ZDHHC11B: variants seen among roughly 807,000 people sequenced by gnomAD.
ZDHHC11B encodes probable palmitoyltransferase ZDHHC11B.
ZDHHC11B carries 17 observed loss-of-function variants against 42.3 expected under a neutral mutation model. The observed-to-expected ratio is 0.40, with a 90% CI of 0.27 to 0.60. The LOEUF (loss-of-function observed/expected upper bound fraction) is 0.60. Ranked by LOEUF, ZDHHC11B falls within the 20% of genes least tolerant of loss-of-function variation. The pLI is 0.41. For synonymous variants in ZDHHC11B, 123 were observed against 193.5 expected, an observed-to-expected ratio of 0.64 and a Z score of 3.02; for missense variants, 262 against 463.2, an observed-to-expected ratio of 0.57 and a Z score of 3.99.
intron 1 of ZDHHC11B, among the ~76,000 whole-genome samples, chr5:777,774 T>G (rs1205084196): frequency 6.6e-6 from 1 of 151,958 alleles, no homozygotes; most frequent in African/African-American, 2.4e-5. Context: ...CTCTATCGGA[T>G]CCTGAGCCCC....
chr5:765,139 C>T (rs1345669017), intron 4 of ZDHHC11B, among the ~76,000 whole-genome samples: 4 of 143,180 alleles, frequency 2.8e-5, no homozygotes, highest in East Asian at 4.1e-4. Context: ...ATGTCTAGCT[C>T]GAAGTTTGTA....
At chr5:762,397 G>A (rs1363078259) in intron 4 of ZDHHC11B, among the ~76,000 whole-genome samples, 19 of 151,964 alleles carry the variant, frequency 1.3e-4, no homozygotes, top group African/African-American at 2.9e-4. Context: ...CAGCACCCAC[G>A]TCTCTCACTA....
intron 13 of ZDHHC11B, among the ~76,000 whole-genome samples, chr5:715,558 C>T (rs535664873): frequency 1.3e-5 from 2 of 151,360 alleles, no homozygotes; most frequent in Non-Finnish European, 2.9e-5. Context: ...AATCTTTCCA[C>T]ATCTCATTCA....
chr5:722,478 T>A (rs363879), intron 12 of ZDHHC11B, among the ~76,000 whole-genome samples: 3 of 151,584 alleles, frequency 2.0e-5, no homozygotes, highest in Non-Finnish European at 2.9e-5. Flanking sequence ...AATACTGAAG[T>A]AGGCCACAAT....
At chr5:754,328 GGGGAAAGACC>G (rs1446773221) in intron 6 of ZDHHC11B, among the ~76,000 whole-genome samples, 4 of 127,460 alleles carry the variant, frequency 3.1e-5, no homozygotes, top group Admixed American at 8.8e-5. Context: ...ACCACGCTCA[GGGGAAAGACC>G]TCTCATCTGT....
intron 6 of ZDHHC11B, 67 bp from the exon 7 acceptor site, chr5:751,324 T>A: frequency 2.3e-5 from 1 of 43,674 alleles, no homozygotes; most frequent in African/African-American, 6.5e-5. Context: ...CAGGGGCAGG[T>A]GTGGGGGGCA....
In ZDHHC11B at chr5:725,166, C is replaced by G. The variant is rs1203311583; in HGVS notation, c.1058+5268G>C. Among the ~76,000 whole-genome samples, 3 of 149,926 alleles carry G rather than the reference C, an allele frequency of 2.0e-5. No homozygotes were observed. The East Asian group carries it at 5.8e-4, about 29-fold the overall frequency. On this transcript the variant is annotated intron_variant, in intron 12 of 13. Transcript: ENST00000508859. The stretch of plus-strand genomic sequence containing the variant: ...ACACGCATGTGAGTGAGATCTCACT[C>G]TCAACTCCCTGCCTTGTGAGGACAA...
intron 12 of ZDHHC11B, among the ~76,000 whole-genome samples, chr5:717,408 C>T (rs1253169150): frequency 6.6e-6 from 1 of 151,678 alleles, no homozygotes; most frequent in Admixed American, 6.6e-5. Context: ...CGTGTTGCTG[C>T]CCAGACTTTC....
At chr5:759,723 G>C (rs1734342669) in intron 4 of ZDHHC11B, among the ~76,000 whole-genome samples, 2 of 151,862 alleles carry the variant, frequency 1.3e-5, no homozygotes, top group South Asian at 4.1e-4. Flanking sequence ...GCCTAACCTG[G>C]GGTCTTTATT....
chr5:783,785 CCCCATCAAAACAGCAGCCCCCT>C (rs1737042300), intron 1 of ZDHHC11B, among the ~76,000 whole-genome samples: 8 of 88,930 alleles, frequency 9.0e-5, no homozygotes, highest in Admixed American at 1.4e-4. Flanking sequence ...AGCCCCCAAA[CCCCATCAAAACAGCAGCCCCCT>C]AAACCCCATC....
chr5:724,083 T>C (rs984246674), intron 12 of ZDHHC11B, among the ~76,000 whole-genome samples: 1 of 151,660 alleles, frequency 6.6e-6, no homozygotes, highest in African/African-American at 2.4e-5. Context: ...GGTTCAGACC[T>C]GTCCACACAT....
At chr5:759,292 C>T (rs1734272799) in intron 4 of ZDHHC11B, among the ~76,000 whole-genome samples, 1 of 151,920 alleles carries the variant, frequency 6.6e-6, no homozygotes, top group African/African-American at 2.4e-5. Context: ...AACCTTTCCC[C>T]CGCCCTGTTC....
chr5:732,451 C>G (rs1035597849), intron 11 of ZDHHC11B: 1 of 323,766 alleles, frequency 3.1e-6, no homozygotes, highest in Non-Finnish European at 6.2e-6. Flanking sequence ...GTGCCACATG[C>G]AGTGAGGGAA....
chr5:719,554 C>T lies in ZDHHC11B; in HGVS notation c.1059-2689G>A, dbSNP rs531541729. On this transcript the variant is annotated intron_variant, in intron 12 of 13. Coordinates refer to ENST00000508859, the MANE Select transcript of ZDHHC11B (RefSeq NM_001351303.2). ...AAATAAAAAGTTCATTAGAAGAGTT[C>T]AACAGATCTGAGCAAGCAGAAGAAA... Among the ~76,000 whole-genome samples the T allele has an allele frequency of 2.0e-5, 3 of 149,998 alleles. No individual in the cohort carries two copies. The South Asian group carries it at 6.4e-4, about 32-fold the overall frequency.
rs540626959 is a variant in ZDHHC11B at position 766,959 on chromosome 5, C to T, written c.1-40G>A. On this transcript the variant is annotated intron_variant, in intron 3 of 13. Transcript: ENST00000508859. The stretch of plus-strand genomic sequence containing the variant: ...AGGGGAGGACCTGCGCCATCAGCTC[C>T]GGGGAGGGCCGGCCCCACCCACTGT... The T allele has an allele frequency of 1.4e-4, 228 of 1,595,764 alleles. 6 individuals are homozygous for T. Among genetic ancestry groups the T allele is most frequent in the South Asian group, 1.2e-3 (104 of 89,738 alleles).
intron 8 of ZDHHC11B, among the ~76,000 whole-genome samples, chr5:746,712 G>A (rs1223859878): frequency 6.6e-6 from 1 of 150,418 alleles, no homozygotes; most frequent in African/African-American, 2.4e-5. Flanking sequence ...TCCTCTCCCC[G>A]CAGCGTGCAG....
intron 12 of ZDHHC11B, among the ~76,000 whole-genome samples, chr5:724,417 C>T (rs1369387318): frequency 7.4e-6 from 1 of 135,650 alleles, no homozygotes; most frequent in African/African-American, 2.7e-5. Flanking sequence ...GCTCTGTCGC[C>T]CAGGCTGGAG....
chr5:732,311 C>T (rs772975084), intron 11 of ZDHHC11B: 2 of 187,214 alleles, frequency 1.1e-5, no homozygotes, highest in Non-Finnish European at 2.3e-5. Flanking sequence ...TGCTTCAGAC[C>T]AGGCCTCATG....
At chr5:769,799 AG>A (rs1380468570) in intron 1 of ZDHHC11B, among the ~76,000 whole-genome samples, 13 of 152,038 alleles carry the variant, frequency 8.6e-5, no homozygotes, top group African/African-American at 2.9e-4. Context: ...TTCAAGGAGC[AG>A]GGTGGGCCAG....
Sources: allele counts gnomAD v4.1 joint callset (sites outside exome capture counted in the v4.1 genomes callset), GRCh38; gene constraint gnomAD v4.1.1; transcripts MANE v1.5; gene names NCBI Gene and HGNC (gene_info 2026-07-23, HGNC 2026-07-21).